DHX32: variants seen among roughly 807,000 people sequenced by gnomAD.
DHX32 encodes the protein putative pre-mRNA-splicing factor ATP-dependent RNA helicase DHX32.
Under a neutral mutation model 70.0 loss-of-function variants are expected in DHX32, and 51 were observed. That is an observed-to-expected ratio of 0.73 (90% CI 0.58 to 0.92). DHX32 has a LOEUF of 0.92. Ranked by LOEUF, DHX32 falls within the 40% of genes least tolerant of loss-of-function variation. The pLI, the probability that DHX32 is intolerant of heterozygous loss-of-function variation, is 0.00. For missense variants in DHX32, 762 were observed against 891.8 expected, an observed-to-expected ratio of 0.85 and a Z score of 1.85; for synonymous variants, 310 against 315.3, an observed-to-expected ratio of 0.98 and a Z score of 0.18.
chr10:125,876,929 G>A (rs1254427043), intron 1 of DHX32, among the ~76,000 whole-genome samples: 2 of 151,992 alleles, frequency 1.3e-5, no homozygotes, highest in Non-Finnish European at 2.9e-5. Flanking sequence ...ATTATGTTAC[G>A]GCTACACACT....
chr10:125,869,349 G>A (rs1487037767), intron 1 of DHX32: 2 of 152,164 alleles, frequency 1.3e-5, no homozygotes, highest in Admixed American at 6.5e-5. Flanking sequence ...GCCAAGGCAG[G>A]TGGATCACCT....
chr10:125,870,344 T>A (rs1944248473), intron 1 of DHX32, among the ~76,000 whole-genome samples: 1 of 152,180 alleles, frequency 6.6e-6, no homozygotes, highest in Non-Finnish European at 1.5e-5. Flanking sequence ...ACACCCTCAT[T>A]TGATGCATGA....
intron 2 of DHX32, among the ~76,000 whole-genome samples, chr10:125,860,775 A>C (rs543398076): frequency 0.019 from 357 of 19,232 alleles, no homozygotes; most frequent in Non-Finnish European, 0.041. Flanking sequence ...TTTTTTTTTG[A>C]GATAGAGTCT....
intron 6 of DHX32, chr10:125,842,863 A>G (rs1854919500): frequency 1.3e-6 from 1 of 757,358 alleles, no homozygotes; most frequent in Admixed American, 6.3e-5. Flanking sequence ...ATGATGTGGT[A>G]TTATATATGC....
chr10:125,856,290 C>T (rs1471497585), intron 3 of DHX32, among the ~76,000 whole-genome samples: 3 of 152,232 alleles, frequency 2.0e-5, no homozygotes, highest in Non-Finnish European at 4.4e-5. Flanking sequence ...TCCACAACTG[C>T]ATAAAACATT....
intron 8 of DHX32, 103 bp from the exon 9 acceptor site, chr10:125,839,291 C>CTTTG: frequency 8.1e-7 from 1 of 1,234,030 alleles, no homozygotes; most frequent in Non-Finnish European, 1.1e-6. Flanking sequence ...CTCTCCTCTC[C>CTTTG]TACAAAGGAG....
chr10:125,888,430 A>C (rs1341154994), intron 1 of DHX32, among the ~76,000 whole-genome samples: 2 of 152,006 alleles, frequency 1.3e-5, no homozygotes, highest in Non-Finnish European at 2.9e-5. Flanking sequence ...CTGGCAGTGA[A>C]TTTTTTTGAG....
Position 125,893,178 on chromosome 10 carries a change from G to A in DHX32, c.-248+3040C>T, listed in dbSNP as rs1176966870. On this transcript the variant is annotated intron_variant, in intron 1 of 2. Transcript: ENST00000415732. ...ATTTAGTGGGCATTAGCCTAATCCTGAAAGACTTTCCAGAAACTGGGGCAG... is the reference window on the plus strand; with the variant it reads ...ATTTAGTGGGCATTAGCCTAATCCTAAAAGACTTTCCAGAAACTGGGGCAG... Among the ~76,000 whole-genome samples the A allele has an allele frequency of 2.1e-4, 32 of 152,382 alleles. 1 individual carries two copies. Among genetic ancestry groups the A allele is most frequent in the African/African-American group, 7.5e-4 (31 of 41,596 alleles).
chr10:125,862,944 G>A (rs1031208600), intron 2 of DHX32, among the ~76,000 whole-genome samples: 2 of 151,882 alleles, frequency 1.3e-5, no homozygotes, highest in African/African-American at 2.4e-5. Context: ...TTGTGTGTAT[G>A]ATACTTTAAA....
chr10:125,871,844 C>CAA, intron 1 of DHX32, among the ~76,000 whole-genome samples: 1 of 151,156 alleles, frequency 6.6e-6, no homozygotes, highest in South Asian at 2.1e-4. Context: ...CCTTTCTTCC[C>CAA]CTAGTTCTGC....
chr10:125,842,494 T>C (rs1449181822), intron 6 of DHX32: 1 of 152,440 alleles, frequency 6.6e-6, no homozygotes, highest in African/African-American at 2.4e-5. Context: ...TATGGGGCAC[T>C]GGGTAGAAAA....
chr10:125,880,548 C>A lies in DHX32; in HGVS notation c.277G>T (p.Ala93Ser). ...VSGDAKCGKS[A>S]QVPQWCAEYC... Reference sequence around the variant, plus strand: ...TTTTTGTAGTGGTTACTCACCTGAGCGCTCTTACCACATTTAGCATCTCCT... The same window carrying A: ...TTTTTGTAGTGGTTACTCACCTGAGAGCTCTTACCACATTTAGCATCTCCT... The change falls in exon 1 of 11, where the codon GCT becomes TCT. Residue 93 changes from alanine (A) to serine (S), a missense_variant. Transcript: ENST00000284690. 3.1e-6 allele frequency: 5 copies of A among 1,597,232 alleles called. No individual in the cohort carries two copies. Among genetic ancestry groups the A allele is most frequent in the Non-Finnish European group, 3.4e-6 (4 of 1,170,218 alleles).
intron 6 of DHX32, among the ~76,000 whole-genome samples, chr10:125,848,996 G>A (rs1944057696): frequency 6.6e-6 from 1 of 152,160 alleles, no homozygotes; most frequent in South Asian, 2.1e-4. Flanking sequence ...AAGAGCCTGT[G>A]CCTTTTGGCA....
intron 7 of DHX32, 192 bp downstream of exon 7, chr10:125,841,546 TTAAGA>T: frequency 1.4e-6 from 2 of 1,429,516 alleles, no homozygotes; most frequent in Non-Finnish European, 9.1e-7. Context: ...GTTAGTTTTC[TTAAGA>T]TAATTTTTCA....
At chr10:125,864,303 A>G (rs1564829067) in intron 2 of DHX32, among the ~76,000 whole-genome samples, 1 of 152,200 alleles carries the variant, frequency 6.6e-6, no homozygotes, top group Non-Finnish European at 1.5e-5. Flanking sequence ...GCAATGAAGA[A>G]TAAGGCAGCC....
intron 2 of DHX32, among the ~76,000 whole-genome samples, chr10:125,864,365 C>T (rs1054430706): frequency 3.3e-5 from 5 of 152,216 alleles, no homozygotes; most frequent in Non-Finnish European, 7.3e-5. Flanking sequence ...CAGGAAGCTA[C>T]TCTCCACCTG....
In DHX32 at chr10:125,838,341, T is replaced by C. The variant is rs754326853; in HGVS notation, c.1928A>G (p.His643Arg). 7 of 1,612,294 alleles carry C rather than the reference T, an allele frequency of 4.3e-6. No individual in the cohort carries two copies. The highest frequency in any genetic ancestry group is 5.1e-6 in the Non-Finnish European group (6 of 1,179,620). ...DGSGNYLMLT[H>R]KQVAQLHPLS... ...GGGATGCAGCTGAGCAACCTGCTTA[T>C]GTGTCAGCATTAAGTAGTTACCTGA... Residue 643 changes from histidine to arginine, a missense_variant, in exon 10 of 11, where the codon CAT becomes CGT. Transcript: ENST00000284690.
At chr10:125,859,261 G>A (rs1416011531) in intron 3 of DHX32, among the ~76,000 whole-genome samples, 1 of 152,088 alleles carries the variant, frequency 6.6e-6, no homozygotes. Flanking sequence ...AGAATGTCAG[G>A]GGAGTCGGCA....
At chr10:125,864,253 T>C (rs1407826665) in intron 2 of DHX32, among the ~76,000 whole-genome samples, 1 of 152,164 alleles carries the variant, frequency 6.6e-6, no homozygotes, top group Non-Finnish European at 1.5e-5. Context: ...GAAAGTACAA[T>C]GTTCAGAAGC....
Sources: gnomAD v4.1 joint callset for allele counts (sites outside exome capture counted in the v4.1 genomes callset) on GRCh38, gnomAD v4.1.1 for gene constraint, MANE v1.5 for transcripts, NCBI Gene and HGNC (gene_info 2026-07-23, HGNC 2026-07-21) for gene names.